The following STARD13 variants were observed in gnomAD, a reference collection of about 807,000 sequenced individuals.
The protein encoded by STARD13 is StAR related lipid transfer domain containing 13.
In STARD13, 62 loss-of-function variants were observed where a neutral mutation model predicts 106.4. The ratio of observed to expected loss-of-function variants is 0.58; its 90% CI spans 0.48 to 0.72. The LOEUF (loss-of-function observed/expected upper bound fraction) is 0.72, where lower values mean the gene tolerates loss of function less well. Ranked by LOEUF, STARD13 falls within the 30% of genes least tolerant of loss-of-function variation. The pLI, the probability that STARD13 is intolerant of heterozygous loss-of-function variation, is 0.00. For synonymous variants in STARD13, 565 were observed against 553.0 expected (o/e 1.02, Z -0.31); for missense variants, 1,387 against 1,424.0 (o/e 0.97, Z 0.42).
At chr13:33,386,004 C>T in the STARD13 span, among the ~76,000 whole-genome samples, 2 of 151,986 alleles carry the variant, frequency 1.3e-5, no homozygotes, top group African/African-American at 4.8e-5. Flanking sequence ...TTCATTTGCT[C>T]ATCAATTCAT....
the STARD13 span, among the ~76,000 whole-genome samples, chr13:33,358,326 T>C: frequency 5.3e-5 from 8 of 152,242 alleles, no homozygotes; most frequent in South Asian, 2.1e-4. Flanking sequence ...TGCTCCACGG[T>C]GCCCAGTCCC....
At chr13:33,486,269 A>C in the STARD13 span, among the ~76,000 whole-genome samples, 3 of 152,092 alleles carry the variant, frequency 2.0e-5, no homozygotes, top group Non-Finnish European at 4.4e-5. Context: ...GACCGAGAAG[A>C]GGGCAGCTGC....
intron 1 of STARD13, among the ~76,000 whole-genome samples, chr13:33,271,215 A>T (rs1034814600): frequency 6.6e-6 from 1 of 152,156 alleles, no homozygotes; most frequent in African/African-American, 2.4e-5. Context: ...GGAAGAAAAA[A>T]ATCTCCACCC....
chr13:33,311,503 TA>T (rs1251390642), intron 1 of STARD13, among the ~76,000 whole-genome samples: 1 of 152,236 alleles, frequency 6.6e-6, no homozygotes, highest in Admixed American at 6.5e-5. Flanking sequence ...GAAGCCTACT[TA>T]ATCTCTCTGA....
the STARD13 span, among the ~76,000 whole-genome samples, chr13:33,630,290 TG>T: frequency 6.6e-6 from 1 of 152,190 alleles, no homozygotes. Context: ...CTCATTTTTT[TG>T]CATCCTCAGA....
Position 33,165,432 on chromosome 13 carries a change from A to T in STARD13, c.242-14T>A, listed in dbSNP as rs1883207036. On this transcript the variant is annotated splice_polypyrimidine_tract_variant and intron_variant, in intron 2 of 13. Transcript: ENST00000336934. ...GAAATTGTGAATCTGAGAGAGAAAG[A>T]CAAAGAAGTTGATGTACTTTGTTTT... The T allele has an allele frequency of 6.2e-7, 1 of 1,601,692 alleles. No homozygotes were observed. Among genetic ancestry groups the T allele is most frequent in the Admixed American group, 1.7e-5 (1 of 59,976 alleles).
At chr13:33,611,487 G>T in the STARD13 span, 1 of 152,164 alleles carries the variant, frequency 6.6e-6, no homozygotes, top group Non-Finnish European at 1.5e-5. Flanking sequence ...CCTATTCTTT[G>T]CACTACATTA....
intron 7 of STARD13, among the ~76,000 whole-genome samples, chr13:33,120,862 A>C (rs1876176877): frequency 6.6e-6 from 1 of 151,392 alleles, no homozygotes; most frequent in African/African-American, 2.4e-5. Flanking sequence ...GTCTCAGCCT[A>C]CTAAGTAGCT....
chr13:33,350,238 G>A, intron 1 of STARD13: 1 of 1,495,830 alleles, frequency 6.7e-7, no homozygotes, highest in Admixed American at 2.1e-5. Flanking sequence ...GCGGGCTACG[G>A]GGCCGGCGCC....
At chr13:33,668,488 G>T in the STARD13 span, among the ~76,000 whole-genome samples, 1 of 152,218 alleles carries the variant, frequency 6.6e-6, no homozygotes, top group Admixed American at 6.5e-5. Context: ...GGGGGCTTAT[G>T]ATAGTATTCA....
At chr13:33,213,537 C>A (rs1200909283) in intron 1 of STARD13, among the ~76,000 whole-genome samples, 1 of 152,214 alleles carries the variant, frequency 6.6e-6, no homozygotes, top group East Asian at 1.9e-4. Flanking sequence ...AGGAATGGAA[C>A]CTACTCTGGC....
chr13:33,539,091 C>T, the STARD13 span, among the ~76,000 whole-genome samples: 4 of 152,080 alleles, frequency 2.6e-5, no homozygotes, highest in East Asian at 7.7e-4. Context: ...ATACTAGAGA[C>T]GTAGAATCTA....
the STARD13 span, among the ~76,000 whole-genome samples, chr13:33,505,644 A>G: frequency 1.3e-5 from 2 of 152,180 alleles, no homozygotes; most frequent in South Asian, 2.1e-4. Flanking sequence ...TCTTTTGTTA[A>G]ATTTTTTATC....
intron 1 of STARD13, among the ~76,000 whole-genome samples, chr13:33,195,792 T>A (rs1253883061): frequency 6.6e-6 from 1 of 152,154 alleles, no homozygotes; most frequent in Non-Finnish European, 1.5e-5. Context: ...CTCTCTTTCT[T>A]ACAAGCAATG....
At chr13:33,299,618 C>G (rs1333124890) in intron 1 of STARD13, among the ~76,000 whole-genome samples, 1 of 152,158 alleles carries the variant, frequency 6.6e-6, no homozygotes, top group East Asian at 1.9e-4. Flanking sequence ...CCTGTGTGCT[C>G]AGATTTGAGA....
chr13:33,667,681 GC>G, the STARD13 span, among the ~76,000 whole-genome samples: 1 of 152,200 alleles, frequency 6.6e-6, no homozygotes, highest in Non-Finnish European at 1.5e-5. Flanking sequence ...GTTGTAAAAT[GC>G]ATCTCAATTT....
chr13:33,165,776 T>A (rs1223044419), intron 2 of STARD13, among the ~76,000 whole-genome samples: 2 of 152,234 alleles, frequency 1.3e-5, no homozygotes, highest in African/African-American at 4.8e-5. Context: ...TCTATCTTGA[T>A]GGTTTCACGA....
chr13:33,220,921 T>C (rs1309515163), intron 1 of STARD13, among the ~76,000 whole-genome samples: 2 of 152,144 alleles, frequency 1.3e-5, no homozygotes, highest in South Asian at 2.1e-4. Context: ...CAAGAACAGA[T>C]GAGAGATTTA....
chr13:33,161,448 G>A (rs1882613890), intron 3 of STARD13, among the ~76,000 whole-genome samples: 1 of 152,026 alleles, frequency 6.6e-6, no homozygotes, highest in Non-Finnish European at 1.5e-5. Flanking sequence ...CCAAGTAGCT[G>A]GAACTACAGA....
Sources: allele counts gnomAD v4.1 joint callset (sites outside exome capture counted in the v4.1 genomes callset), GRCh38; gene constraint gnomAD v4.1.1; transcripts MANE v1.5; gene names NCBI Gene and HGNC (gene_info 2026-07-23, HGNC 2026-07-21).